Variants in CDC123 observed in about 807,000 individuals in gnomAD.
CDC123 encodes translation initiation factor eIF2 assembly protein.
CDC123 carries 37 observed loss-of-function variants against 54.4 expected under a neutral mutation model. The observed-to-expected ratio is 0.68, with a 90% confidence interval of 0.52 to 0.89. The LOEUF (loss-of-function observed/expected upper bound fraction) is 0.89, where lower values mean the gene tolerates loss of function less well. Among genes scored for constraint, CDC123 ranks in the 40% least tolerant of loss-of-function variants. The pLI, the probability that CDC123 is intolerant of heterozygous loss-of-function variation, is 0.00. For missense variants in CDC123, 361 were observed against 412.1 expected, an observed-to-expected ratio of 0.88 and a Z score of 1.07; for synonymous variants, 144 against 136.8, an observed-to-expected ratio of 1.05 and a Z score of -0.37.
chr10:12,225,523 G>A (rs540736448), intron 6 of CDC123, among the ~76,000 whole-genome samples: 2 of 152,236 alleles, frequency 1.3e-5, no homozygotes, highest in Admixed American at 1.3e-4. Flanking sequence ...TTTCAAACCT[G>A]TGTTCTAGAA....
In CDC123 at chr10:12,222,984, C is replaced by T. The variant is rs541308245; in HGVS notation, c.440+5517C>T. Among the ~76,000 whole-genome samples, 273 of 152,152 alleles carry T rather than the reference C, an allele frequency of 1.8e-3. 2 individuals carry two copies. In the South Asian group the frequency reaches 0.022, roughly 12 times the overall value. On this transcript the variant is annotated intron_variant, in intron 6 of 12. Coordinates refer to ENST00000281141, the MANE Select transcript of CDC123 (RefSeq NM_006023.3). ...GTGGCTCACTGCAAGCTCCGCCTCC[C>T]GGGTTCACGCCATTCTCCTGCCTCA...
At chr10:12,250,184 A>T in intron 12 of CDC123, 127 bp from the exon 13 acceptor site, 1 of 568,092 alleles carries the variant, frequency 1.8e-6, no homozygotes, top group Non-Finnish European at 3.1e-6. Context: ...TTAATGAATT[A>T]AAGCATGGTT....
At chr10:12,197,756 G>T (rs1485223266) in intron 1 of CDC123, among the ~76,000 whole-genome samples, 1 of 151,808 alleles carries the variant, frequency 6.6e-6, no homozygotes, top group African/African-American at 2.4e-5. Context: ...TTGCTCTGTC[G>T]CCCAAGCTGG....
intron 4 of CDC123, among the ~76,000 whole-genome samples, chr10:12,211,843 C>T (rs544376921): frequency 4.6e-5 from 7 of 152,134 alleles, no homozygotes; most frequent in South Asian, 4.1e-4. Context: ...GCGCGGTGGC[C>T]GATGCCTGTA....
At chr10:12,207,889 A>G (rs940366366) in intron 2 of CDC123, among the ~76,000 whole-genome samples, 1 of 152,176 alleles carries the variant, frequency 6.6e-6, no homozygotes, top group Admixed American at 6.5e-5. Flanking sequence ...GAGGAGAATT[A>G]GTTGCTAGGA....
chr10:12,234,938 T>A (rs1191536708), intron 7 of CDC123, 110 bp from the exon 8 acceptor site: 19 of 769,350 alleles, frequency 2.5e-5, no homozygotes, highest in South Asian at 5.0e-5. Context: ...CCTCTTTTTT[T>A]AAAACCATTT....
At chr10:12,241,823 C>T (rs779843444) in intron 10 of CDC123, among the ~76,000 whole-genome samples, 1 of 152,162 alleles carries the variant, frequency 6.6e-6, no homozygotes, top group African/African-American at 2.4e-5. Flanking sequence ...TTAGAACTGT[C>T]TCCTCACACT....
intron 6 of CDC123, among the ~76,000 whole-genome samples, chr10:12,218,953 A>G (rs1835697012): frequency 6.6e-6 from 1 of 152,218 alleles, no homozygotes; most frequent in South Asian, 2.1e-4. Context: ...CAGACCAGTT[A>G]TCTCAGGTAA....
chr10:12,227,022 GGCTA>G (rs1006205076), intron 6 of CDC123, among the ~76,000 whole-genome samples: 18 of 152,302 alleles, frequency 1.2e-4, no homozygotes, highest in South Asian at 6.2e-4. Context: ...GGGAGGCCGA[GGCTA>G]GCAGATCACT....
At chr10:12,209,886 CAT>C in intron 2 of CDC123, 79 bp from the exon 3 acceptor site, 1 of 1,353,616 alleles carries the variant, frequency 7.4e-7, no homozygotes, top group South Asian at 1.2e-5. Flanking sequence ...TATTTAAAAA[CAT>C]ATACTCAGTA....
At chr10:12,230,810 T>C in intron 6 of CDC123, 138 bp from the exon 7 acceptor site, 1 of 749,224 alleles carries the variant, frequency 1.3e-6, no homozygotes, top group Non-Finnish European at 2.3e-6. Context: ...CAGTAAGTGT[T>C]CGTCGAATTT....
intron 7 of CDC123, among the ~76,000 whole-genome samples, chr10:12,233,270 A>G (rs1213838753): frequency 7.8e-6 from 1 of 127,474 alleles, no homozygotes. Flanking sequence ...GTCTGTGTGT[A>G]TTTAAAATAC....
rs753439642 is a variant in CDC123 at position 12,225,509 on chromosome 10, TC to T, written c.441-5438del. 6.5e-3 allele frequency among the ~76,000 whole-genome samples: 992 copies of T among 152,278 alleles called. 7 individuals carry two copies. The highest frequency in any genetic ancestry group is 0.011 in the South Asian group (53 of 4,824). On this transcript the variant is annotated intron_variant, in intron 6 of 12. Transcript: ENST00000281141. ...TGAAAAATCATCTCATTCCACTCTCTCATTTTCAAACCTGTGTTCTAGAAGC... is the reference window on the plus strand; with the variant it reads ...TGAAAAATCATCTCATTCCACTCTCTATTTTCAAACCTGTGTTCTAGAAGC...
At chr10:12,217,003 G>C (rs1835672702) in intron 5 of CDC123, among the ~76,000 whole-genome samples, 2 of 152,208 alleles carry the variant, frequency 1.3e-5, no homozygotes, top group Non-Finnish European at 2.9e-5. Flanking sequence ...TTTTCTTGGA[G>C]AGTAGCTGGT....
intron 4 of CDC123, among the ~76,000 whole-genome samples, chr10:12,213,646 G>A (rs1228340606): frequency 1.3e-5 from 2 of 151,824 alleles, no homozygotes; most frequent in South Asian, 2.1e-4. Flanking sequence ...TGTTAGTTCC[G>A]TGATTTTGAT....
chr10:12,219,908 TC>T (rs2131743592), intron 6 of CDC123, among the ~76,000 whole-genome samples: 2 of 152,296 alleles, frequency 1.3e-5, no homozygotes, highest in African/African-American at 4.8e-5. Context: ...CAGGATGGTC[TC>T]CATCTCCTCA....
chr10:12,209,158 C>G (rs568325798), intron 2 of CDC123, among the ~76,000 whole-genome samples: 80 of 152,130 alleles, frequency 5.3e-4, no homozygotes, highest in African/African-American at 1.9e-3. Context: ...TTTCCCTTTC[C>G]CTTGTTTTTA....
intron 2 of CDC123, among the ~76,000 whole-genome samples, chr10:12,200,475 A>C (rs1835426303): frequency 1.3e-5 from 2 of 152,136 alleles, no homozygotes; most frequent in African/African-American, 2.4e-5. Flanking sequence ...ATGAGCTTAT[A>C]TATAATAAGC....
intron 6 of CDC123, among the ~76,000 whole-genome samples, chr10:12,221,371 A>G (rs186384298): frequency 1.3e-5 from 2 of 152,264 alleles, no homozygotes; most frequent in African/African-American, 2.4e-5. Context: ...GATTGCTGCT[A>G]CAGTTCCAAG....
Sources: gnomAD v4.1 joint callset for allele counts (sites outside exome capture counted in the v4.1 genomes callset) on GRCh38, gnomAD v4.1.1 for gene constraint, MANE v1.5 for transcripts, NCBI Gene and HGNC (gene_info 2026-07-23, HGNC 2026-07-21) for gene names.